OTOA: variants seen among roughly 807,000 people sequenced by gnomAD.
OTOA encodes the protein cancer/testis antigen 108.
OTOA carries 70 observed loss-of-function variants against 110.8 expected under a neutral mutation model. The observed-to-expected ratio is 0.63, with a 90% CI of 0.52 to 0.77. The LOEUF (loss-of-function observed/expected upper bound fraction) is 0.77, where lower values mean the gene tolerates loss of function less well. Among genes scored for constraint, OTOA ranks in the 30% least tolerant of loss-of-function variants. The pLI, the probability that OTOA is intolerant of heterozygous loss-of-function variation, is 0.00. For missense variants in OTOA, 917 were observed against 1,075.8 expected, an observed-to-expected ratio of 0.85 and a Z score of 2.06; for synonymous variants, 373 against 431.5, an observed-to-expected ratio of 0.86 and a Z score of 1.68.
chr16:21,710,304 G>T (rs565272304), intron 13 of OTOA, among the ~76,000 whole-genome samples: 1 of 152,260 alleles, frequency 6.6e-6, no homozygotes. Context: ...CTCTTGGCCT[G>T]TAGGTGGCCG....
intron 1 of OTOA, among the ~76,000 whole-genome samples, chr16:21,674,896 C>CTTTTTTTTTTTTTTTTTTTTTTTTTTT (rs60269668): frequency 3.4e-5 from 1 of 29,786 alleles, no homozygotes; most frequent in Non-Finnish European, 5.7e-5. Context: ...TTTTAAAAAT[C>CTTTTTTTTTTTTTTTTTTTTTTTTTTT]TTTTTTTTTT....
intron 21 of OTOA, among the ~76,000 whole-genome samples, chr16:21,731,859 A>G (rs1899126360): frequency 6.6e-6 from 1 of 152,260 alleles, no homozygotes; most frequent in Non-Finnish European, 1.5e-5. Flanking sequence ...AACTTCACCT[A>G]GGATCACACG....
At chr16:21,721,276 C>T (rs770344034) in intron 17 of OTOA, 3 of 440,372 alleles carry the variant, frequency 6.8e-6, no homozygotes, top group South Asian at 4.7e-5. Flanking sequence ...CACACACACA[C>T]ACAAACAACC....
At chr16:21,714,355 TTC>T (rs1491342663) in intron 13 of OTOA, among the ~76,000 whole-genome samples, 11 of 118,330 alleles carry the variant, frequency 9.3e-5, no homozygotes, top group African/African-American at 2.8e-4. Context: ...CTTTCTTTCC[TTC>T]TCTCTTTCTT....
At chr16:21,677,674 G>C (rs1180384366) in intron 1 of OTOA, among the ~76,000 whole-genome samples, 2 of 151,572 alleles carry the variant, frequency 1.3e-5, no homozygotes, top group African/African-American at 4.8e-5. Context: ...ATTAGAGACG[G>C]GGTTTCACCG....
chr16:21,749,179 C>T (rs1899740048), intron 24 of OTOA, among the ~76,000 whole-genome samples: 1 of 134,252 alleles, frequency 7.4e-6, no homozygotes, highest in Non-Finnish European at 1.6e-5. Flanking sequence ...TTCCTCAACA[C>T]TTTCTCTCAA....
intron 12 of OTOA, among the ~76,000 whole-genome samples, chr16:21,708,149 C>T (rs1898248951): frequency 6.6e-6 from 1 of 152,094 alleles, no homozygotes. Flanking sequence ...ATAGAACTCA[C>T]CATAATGTGA....
chr16:21,709,355 A>C (rs543711487), intron 12 of OTOA, among the ~76,000 whole-genome samples: 1 of 152,228 alleles, frequency 6.6e-6, no homozygotes, highest in Non-Finnish European at 1.5e-5. Context: ...TGAACCCGGA[A>C]GGTGGAGGTT....
At chr16:21,718,189 C>T (rs573921182) in intron 15 of OTOA, among the ~76,000 whole-genome samples, 1 of 152,144 alleles carries the variant, frequency 6.6e-6, no homozygotes, top group Non-Finnish European at 1.5e-5. Flanking sequence ...AACTCTTGAC[C>T]TCAAGTGATC....
At chr16:21,668,265 C>T (rs547048273) in intron 1 of OTOA, among the ~76,000 whole-genome samples, 18 of 151,944 alleles carry the variant, frequency 1.2e-4, no homozygotes, top group Admixed American at 9.2e-4. Flanking sequence ...TGCATCACCA[C>T]GCCAGGCTAA....
intron 24 of OTOA, among the ~76,000 whole-genome samples, chr16:21,749,885 A>G (rs1899772206): frequency 6.9e-6 from 1 of 144,370 alleles, no homozygotes; most frequent in Non-Finnish European, 1.5e-5. Flanking sequence ...AGCTTTCACC[A>G]TGTCAGCCAG....
intron 17 of OTOA, among the ~76,000 whole-genome samples, chr16:21,720,326 G>A (rs1225628938): frequency 3.3e-5 from 5 of 152,250 alleles, no homozygotes; most frequent in African/African-American, 4.8e-5. Flanking sequence ...GGTGTGAACC[G>A]CTGGCTTACA....
intron 9 of OTOA, among the ~76,000 whole-genome samples, chr16:21,692,914 T>G (rs1597815202): frequency 1.9e-5 from 2 of 105,266 alleles, no homozygotes; most frequent in Admixed American, 1.4e-4. Flanking sequence ...GGTGACAGAG[T>G]GAGACTCTGT....
intron 11 of OTOA, chr16:21,704,935 C>G: frequency 1.3e-6 from 1 of 787,952 alleles, no homozygotes; most frequent in Non-Finnish European, 2.3e-6. Context: ...GTGGACCATG[C>G]CATGTGGTGT....
Position 21,687,481 on chromosome 16 carries a change from C to T in OTOA, c.468C>T (p.Asn156=). The T allele has an allele frequency of 1.2e-6, 2 of 1,614,018 alleles. No homozygotes were observed. The highest frequency in any genetic ancestry group is 1.7e-6 in the Non-Finnish European group (2 of 1,180,004). The change falls in exon 8 of 29, where the codon AAC becomes AAT. Residue 156 remains asparagine (N), a synonymous_variant. Coordinates refer to ENST00000646100, the MANE Select transcript of OTOA (RefSeq NM_144672.4). Reference sequence around the variant, plus strand: ...GAGCCTTGCAGAGCCCTGGCGTGAACCGCAGCCTGTTTCTCATCACACTGG... The same window carrying T: ...GAGCCTTGCAGAGCCCTGGCGTGAATCGCAGCCTGTTTCTCATCACACTGG... ...RERALQSPGV[N]RSLFLITLER...
chr16:21,683,918 G>C (rs1007017828), intron 6 of OTOA, among the ~76,000 whole-genome samples: 2 of 151,646 alleles, frequency 1.3e-5, no homozygotes, highest in African/African-American at 4.8e-5. Context: ...ACAGGTGCAT[G>C]CCATCATGCC....
rs78329662 is a variant in OTOA at position 21,692,967 on chromosome 16, A to C, written c.739+1280A>C. On this transcript the variant is annotated intron_variant, in intron 9 of 28. Transcript: ENST00000646100. The stretch of plus-strand genomic sequence containing the variant: ...AAAAGAAAGAAAGAAAAGAAAAGAA[A>C]ATTGGGGCCAAGTGCGGTGGCTTAC... Among the ~76,000 whole-genome samples the C allele has an allele frequency of 1.1e-3, 163 of 149,032 alleles. 3 individuals carry two copies. The East Asian group carries it at 0.029, about 27-fold the overall frequency.
chr16:21,680,310 G>A (rs368201997), intron 5 of OTOA, among the ~76,000 whole-genome samples: 9 of 151,942 alleles, frequency 5.9e-5, no homozygotes, highest in Admixed American at 2.0e-4. Flanking sequence ...TCAGGAGTTC[G>A]GGACCAGCCT....
At position 21,684,337 on chromosome 16, in the gene OTOA, A is replaced by G. The variant is rs139611776; in HGVS notation, c.268-893A>G. The G allele has an allele frequency of 4.7e-5, 64 of 1,369,954 alleles. No homozygotes were observed. The African/African-American group carries it at 8.1e-4, about 17-fold the overall frequency. 84.9% of individuals were successfully genotyped at this position (1,369,954 alleles called of 1,614,324 possible). A position where few individuals can be genotyped will look rare whatever the true frequency, so the allele number is the denominator to read the frequency against. On this transcript the variant is annotated intron_variant, in intron 6 of 28. Coordinates refer to ENST00000646100, the MANE Select transcript of OTOA (RefSeq NM_144672.4). ...TGTCTGTTTAACGGAGATTTAGAGA[A>G]CAATTCCCCAGACAGCAGAGGAAAT...
Sources: gnomAD v4.1 joint callset for allele counts (sites outside exome capture counted in the v4.1 genomes callset) on GRCh38, gnomAD v4.1.1 for gene constraint, MANE v1.5 for transcripts, NCBI Gene and HGNC (gene_info 2026-07-23, HGNC 2026-07-21) for gene names.